The following MBD1 variants were observed in gnomAD, a reference collection of about 807,000 sequenced individuals.
MBD1 encodes methyl-CpG-binding domain protein 1.
MBD1 carries 25 observed loss-of-function variants against 82.6 expected under a neutral mutation model. That is an observed-to-expected ratio of 0.30 (90% CI 0.22 to 0.42). MBD1 has a LOEUF of 0.42. Ranked by LOEUF, MBD1 falls within the 10% of genes least tolerant of loss-of-function variation. MBD1 has a pLI of 1.00. For synonymous variants in MBD1, 301 were observed against 303.7 expected (o/e 0.99, Z 0.09); for missense variants, 627 against 819.6 (o/e 0.76, Z 2.87).
chr18:50,275,489 G>C lies in MBD1; in HGVS notation c.792+111C>G, dbSNP rs539547427. ...AGGCGGGGCCAGAAAGGCGAGCATA[G>C]GGTTAGGCAGAAAAGAAAGACATGA... On this transcript the variant is annotated intron_variant, in intron 8 of 16. Coordinates refer to ENST00000269468, the MANE Select transcript of MBD1 (RefSeq NM_015846.4). 2.0e-4 allele frequency: 326 copies of C among 1,599,386 alleles called. 2 individuals carry two copies. The South Asian group carries it at 3.1e-3, about 15-fold the overall frequency.
In MBD1 at chr18:50,269,431, A is replaced by AG; in HGVS notation, c.*419dup. 1 of 839,168 alleles carries AG rather than the reference A, an allele frequency of 1.2e-6. No homozygotes were observed. The highest frequency in any genetic ancestry group is 1.8e-6 in the Non-Finnish European group (1 of 546,082). 52.0% of individuals were successfully genotyped at this position (839,168 alleles called of 1,614,324 possible). On this transcript the variant is annotated 3_prime_UTR_variant, in exon 17 of 17. Transcript: ENST00000269468. Reference sequence around the variant, plus strand: ...CTTGATAACCGGAGGGCGGAAGTGAAGCAGCAGCACATTGTTTTTACACTT... The same window carrying AG: ...CTTGATAACCGGAGGGCGGAAGTGAAGGCAGCAGCACATTGTTTTTACACTT...
chr18:50,277,330 C>T, intron 2 of MBD1, 126 bp from the exon 3 acceptor site: 1 of 572,230 alleles, frequency 1.7e-6, no homozygotes, highest in Non-Finnish European at 3.1e-6. Context: ...CCTGCCCAGC[C>T]CCCACCTCAA....
chr18:50,270,112 T>C, intron 16 of MBD1: 1 of 1,598,400 alleles, frequency 6.3e-7, no homozygotes, highest in Non-Finnish European at 8.5e-7. Flanking sequence ...AGTATCAGTC[T>C]ATCCAGTCTT....
chr18:50,275,497 C>T, intron 8 of MBD1, 103 bp downstream of exon 8: 1 of 1,602,542 alleles, frequency 6.2e-7, no homozygotes, highest in Non-Finnish European at 8.5e-7. Flanking sequence ...TAGGGTTAGG[C>T]AGAAAAGAAA....
Position 50,272,837 on chromosome 18 carries a change from G to T in MBD1, c.1703C>A (p.Ala568Asp), listed in dbSNP as rs767516740. The change falls in exon 14 of 17, where the codon GCT (alanine) becomes GAT (aspartate). Residue 568 changes from alanine (A) to aspartate (D), a missense_variant. This residue lies in a region of MBD1 where 265 missense variants were observed against 278.4 expected (regional missense o/e 0.95). Transcript: ENST00000269468. Reference protein sequence around the residue: ...KLAPEEEAGGAGTPVITEIFS... With the variant: ...KLAPEEEAGGDGTPVITEIFS... ...CCCAGCACTGACCACGGGTGTGCCAGCCCCTCCTGCCTCTTCCTCTGGGGC... is the reference window on the plus strand; with the variant it reads ...CCCAGCACTGACCACGGGTGTGCCATCCCCTCCTGCCTCTTCCTCTGGGGC... 1.2e-6 allele frequency: 2 copies of T among 1,614,264 alleles called. No homozygotes were observed. Among genetic ancestry groups the T allele is most frequent in the South Asian group, 2.2e-5 (2 of 91,092 alleles).
At chr18:50,270,685 A>G in intron 16 of MBD1, 1 of 238,986 alleles carries the variant, frequency 4.2e-6, no homozygotes, top group South Asian at 6.3e-5. Context: ...CAGTTTCTGT[A>G]TGAACAGATG....
upstream of MBD1, chr18:50,281,616 G>T: frequency 2.2e-6 from 1 of 451,358 alleles, no homozygotes; most frequent in Non-Finnish European, 3.9e-6. Context: ...TTAATAGGGA[G>T]GCTCCCGCGC....
intron 2 of MBD1, among the ~76,000 whole-genome samples, chr18:50,279,406 A>G (rs1368852504): frequency 2.0e-5 from 3 of 152,230 alleles, no homozygotes; most frequent in Admixed American, 1.3e-4. Context: ...TGTAACTCAG[A>G]TAACCAGCAA....
Position 50,273,393 on chromosome 18 carries a change from A to G in MBD1, c.1525T>C (p.Trp509Arg), listed in dbSNP as rs1267905748. ...KQEKADTQDE[W>R]TPGTAVLTSP... ...GTCAGGACAGCTGTGCCTGGTGTCC[A>G]CTCGTCCTGGGTATCCGCCTTCTCT... Residue 509 changes from tryptophan (W) to arginine (R), a missense_variant, in exon 13 of 17, where the codon TGG (tryptophan) becomes CGG (arginine). Around this residue, in one of 6 missense-constraint regions of MBD1, gnomAD observed 265 missense variants for 278.4 expected, o/e 0.95. Coordinates refer to ENST00000269468, the MANE Select transcript of MBD1 (RefSeq NM_015846.4). 2.5e-6 allele frequency: 4 copies of G among 1,614,112 alleles called. No homozygotes were observed. The highest frequency in any genetic ancestry group is 1.6e-4 in the Middle Eastern group (1 of 6,062).
intron 2 of MBD1, 166 bp downstream of exon 2, chr18:50,279,717 C>T: frequency 1.1e-6 from 1 of 919,472 alleles, no homozygotes; most frequent in South Asian, 1.7e-5. Context: ...TTTTAAGTTA[C>T]AAATAAATTT....
intron 16 of MBD1, chr18:50,270,266 G>C (rs1276162015): frequency 2.0e-6 from 2 of 1,011,010 alleles, no homozygotes; most frequent in Admixed American, 1.7e-5. Flanking sequence ...GGTAAGGCAA[G>C]GGAGGCACAC....
In MBD1 at chr18:50,269,746, C is replaced by T. The variant is rs1010458332; in HGVS notation, c.*105G>A. ...ATCCTCGTGGGTTCCAGCTCGTGCT[C>T]GTGGGCTCCACTGTGTCCTCGGTCT... On this transcript the variant is annotated 3_prime_UTR_variant, in exon 17 of 17. Coordinates refer to ENST00000269468, the MANE Select transcript of MBD1 (RefSeq NM_015846.4). 7 of 781,572 alleles carry T rather than the reference C, an allele frequency of 9.0e-6. No individual in the cohort carries two copies. The highest frequency in any genetic ancestry group is 3.4e-5 in the African/African-American group (2 of 59,144). 48.4% of individuals were successfully genotyped at this position (781,572 alleles called of 1,614,324 possible).
At chr18:50,272,296 C>T (rs2035904867) in intron 15 of MBD1, among the ~76,000 whole-genome samples, 1 of 152,202 alleles carries the variant, frequency 6.6e-6, no homozygotes, top group Non-Finnish European at 1.5e-5. Flanking sequence ...CAGAGGTCTC[C>T]TGGAGACTCT....
In MBD1 at chr18:50,273,491, A is replaced by T; in HGVS notation, c.1447-20T>A. The T allele has an allele frequency of 1.2e-6, 2 of 1,614,066 alleles. No homozygotes were observed. The highest frequency in any genetic ancestry group is 1.7e-6 in the Non-Finnish European group (2 of 1,180,030). ...GGCCTCCTGCGTGAGGGAGGATTGCAGCAGACTTGGTCTCAGCTCCCTGGC... is the reference window on the plus strand; with the variant it reads ...GGCCTCCTGCGTGAGGGAGGATTGCTGCAGACTTGGTCTCAGCTCCCTGGC... On this transcript the variant is annotated intron_variant, in intron 12 of 16. Transcript: ENST00000269468.
chr18:50,270,507 T>C lies in MBD1; in HGVS notation c.*33-689A>G, dbSNP rs558478217. The C allele has an allele frequency of 4.0e-5, 14 of 351,842 alleles. No homozygotes were observed. The East Asian group carries it at 7.4e-4, about 19-fold the overall frequency. The allele number at this position is 351,842 out of a possible 1,614,324, so 21.8% of individuals were successfully genotyped here. Reference sequence around the variant, plus strand: ...ACAAAGGTGATCACAGGGCAGGAGATGCACGTTGTCAGGAAAGATGAGCCA... The same window carrying C: ...ACAAAGGTGATCACAGGGCAGGAGACGCACGTTGTCAGGAAAGATGAGCCA... On this transcript the variant is annotated intron_variant, in intron 16 of 16. Transcript: ENST00000269468.
intron 8 of MBD1, 63 bp from the exon 9 acceptor site, chr18:50,275,308 A>G: frequency 5.0e-6 from 8 of 1,610,604 alleles, no homozygotes; most frequent in Non-Finnish European, 6.8e-6. Context: ...GAAACTCCCC[A>G]CACCCTAAGT....
In MBD1 at chr18:50,275,169, G is replaced by C; in HGVS notation, c.869C>G (p.Pro290Arg). The change falls in exon 9 of 17, where the codon CCT becomes CGT. Residue 290 changes from proline to arginine, a missense_variant. Coordinates refer to ENST00000269468, the MANE Select transcript of MBD1 (RefSeq NM_015846.4). ...TGGGGACTGTGATGGGGGTGGTGGA[G>C]GCAGTGGCTGGGCTCCGGGGCGCCG... ...ARRRPGAQPLPPPPPSQSPEP... is the reference protein window; with the variant it reads ...ARRRPGAQPLRPPPPSQSPEP... The C allele has an allele frequency of 6.2e-7, 1 of 1,614,144 alleles. No homozygotes were observed. The highest frequency in any genetic ancestry group is 8.5e-7 in the Non-Finnish European group (1 of 1,180,010).
Position 50,276,893 on chromosome 18 carries a change from C to T in MBD1, c.331G>A (p.Ala111Thr). The T allele has an allele frequency of 1.9e-6, 3 of 1,614,260 alleles. No individual in the cohort carries two copies. The highest frequency in any genetic ancestry group is 2.5e-6 in the Non-Finnish European group (3 of 1,180,056). The change falls in exon 4 of 17, where the codon GCC becomes ACC. Residue 111 changes from alanine (A) to threonine (T), a missense_variant. Transcript: ENST00000269468. ...TCAGCCTTGGTCTCATCCCTCGGGG[C>T]CTCCTTCCTGACCTCACCACTCTGG... The part of the protein sequence containing the change: ...GPQSGEVRKE[A>T]PRDETKADTD...
chr18:50,276,573 G>C, intron 5 of MBD1, 89 bp downstream of exon 5: 1 of 1,502,248 alleles, frequency 6.7e-7, no homozygotes. Flanking sequence ...CCTCTGTCCT[G>C]ACATCCACAT....
Sources: allele counts gnomAD v4.1 joint callset (sites outside exome capture counted in the v4.1 genomes callset), GRCh38; gene constraint gnomAD v4.1.1; regional missense constraint gnomAD v4.1.1; transcripts MANE v1.5; gene names NCBI Gene and HGNC (gene_info 2026-07-23, HGNC 2026-07-21).